GNRHR: variants seen among roughly 807,000 people sequenced by gnomAD.
The protein encoded by GNRHR is gonadotropin releasing hormone receptor, also known as gonadotropin-releasing hormone receptor.
Under a neutral mutation model 28.1 loss-of-function variants are expected in GNRHR, and 14 were observed. The ratio of observed to expected loss-of-function variants is 0.50; its 90% CI spans 0.33 to 0.78. The LOEUF (loss-of-function observed/expected upper bound fraction) is 0.78. Ranked by LOEUF, GNRHR falls within the 30% of genes least tolerant of loss-of-function variation. The pLI is 0.02. For missense variants in GNRHR, 366 were observed against 382.1 expected (o/e 0.96, Z 0.35); for synonymous variants, 141 against 140.5 (o/e 1.00, Z -0.02).
At position 67,738,552 on chromosome 4, in the gene GNRHR, G is replaced by A. The variant is rs1188536667; in HGVS notation, c.*1928C>T. ...CATTCGTTAACACGTGTGTGATAAA[G>A]CCCTTAGATTGTATCTGTACAAGTG... On this transcript the variant is annotated 3_prime_UTR_variant, in exon 3 of 3. Transcript: ENST00000226413. Among the ~76,000 whole-genome samples, 2 of 151,748 alleles carry A rather than the reference G, an allele frequency of 1.3e-5. No homozygotes were observed. The highest frequency in any genetic ancestry group is 4.8e-5 in the African/African-American group (2 of 41,366).
chr4:67,745,159 T>A (rs1216034272), intron 1 of GNRHR, among the ~76,000 whole-genome samples: 1 of 152,104 alleles, frequency 6.6e-6, no homozygotes, highest in Non-Finnish European at 1.5e-5. Context: ...GCACTTAAAA[T>A]GTACCCCCCA....
Position 67,745,860 on chromosome 4 carries a change from T to TC in GNRHR, c.523-1074dup, listed in dbSNP as rs1731744141. 2.0e-5 allele frequency among the ~76,000 whole-genome samples: 3 copies of TC among 152,092 alleles called. No homozygotes were observed. The South Asian group carries it at 6.2e-4, about 32-fold the overall frequency. ...CTGAATCTAACCTTGAGAGGACAAA[T>TC]CCCAACTGAGAGACATTTTACAAAA... On this transcript the variant is annotated intron_variant, in intron 1 of 2. Transcript: ENST00000226413.
Position 67,740,512 on chromosome 4 carries a change from C to G in GNRHR, c.955G>C (p.Asp319His), listed in dbSNP as rs757577630. ...FLFAFLNPCFDPLIYGYFSL is the reference protein window; with the variant it reads ...FLFAFLNPCFHPLIYGYFSL ...GAAAAATATCCATAGATAAGTGGAT[C>G]AAAGCATGGGTTTAAAAAGGCAAAG... Residue 319 changes from aspartate to histidine, a missense_variant, in exon 3 of 3, where the codon GAT becomes CAT. By Grantham distance (81) the Asp-to-His change is moderately conservative. Transcript: ENST00000226413. 1 of 1,605,748 alleles carries G rather than the reference C, an allele frequency of 6.2e-7. No homozygotes were observed. Among genetic ancestry groups the G allele is most frequent in the East Asian group, 2.2e-5 (1 of 44,832 alleles).
Position 67,739,819 on chromosome 4 carries a change from T to C in GNRHR, c.*661A>G, listed in dbSNP as rs1178521612. 1 of 152,112 alleles carries C rather than the reference T, an allele frequency of 6.6e-6. No individual in the cohort carries two copies. Among genetic ancestry groups the C allele is most frequent in the African/African-American group, 2.4e-5 (1 of 41,414 alleles). 9.4% of individuals were successfully genotyped at this position (152,112 alleles called of 1,614,324 possible). ...AACCCCTCTAAAATTTCCCTTTATA[T>C]AGAGATACTTCACAACCTGTACCAC... On this transcript the variant is annotated 3_prime_UTR_variant, in exon 3 of 3. Transcript: ENST00000226413.
rs1415008256 is a variant in GNRHR at position 67,738,840 on chromosome 4, G to A, written c.*1640C>T. Among the ~76,000 whole-genome samples the A allele has an allele frequency of 6.6e-6, 1 of 151,892 alleles. No individual in the cohort carries two copies. Among genetic ancestry groups the A allele is most frequent in the Non-Finnish European group, 1.5e-5 (1 of 67,878 alleles). On this transcript the variant is annotated 3_prime_UTR_variant, in exon 3 of 3. Transcript: ENST00000226413. ...ATGAGTTTAATGGAAAAGAAGCTAT[G>A]AATGAAAGAGTGAGTAGACAGAGGG... is the stretch of plus-strand genomic sequence containing the variant.
At chr4:67,742,331 T>C (rs1731676197) in intron 2 of GNRHR, among the ~76,000 whole-genome samples, 1 of 152,234 alleles carries the variant, frequency 6.6e-6, no homozygotes, top group Non-Finnish European at 1.5e-5. Context: ...CTGTATGTTT[T>C]TGTTTGCTTT....
In GNRHR at chr4:67,738,449, A is replaced by G. The variant is rs959058118; in HGVS notation, c.*2031T>C. Reference sequence around the variant, plus strand: ...TCGAATAGCCCTTTAGTTAATGTGTAAAAAAAAAAAATGCCTGAGGCAATT... The same window carrying G: ...TCGAATAGCCCTTTAGTTAATGTGTGAAAAAAAAAAATGCCTGAGGCAATT... On this transcript the variant is annotated 3_prime_UTR_variant, in exon 3 of 3. Coordinates refer to ENST00000226413, the MANE Select transcript of GNRHR (RefSeq NM_000406.3). 6.9e-6 allele frequency among the ~76,000 whole-genome samples: 1 copy of G among 144,950 alleles called. No individual in the cohort carries two copies. The highest frequency in any genetic ancestry group is 2.0e-4 in the East Asian group (1 of 5,090).
rs515726219 is a variant in GNRHR, at chr4:67,754,242, T to C, written c.94A>G (p.Thr32Ala). 19 of 1,613,922 alleles carry C rather than the reference T, an allele frequency of 1.2e-5. No individual in the cohort carries two copies. In the South Asian group the frequency reaches 1.9e-4, roughly 16 times the overall value. The change falls in exon 1 of 3, where the codon ACC becomes GCC. Residue 32 changes from threonine (T) to alanine (A), a missense_variant. Transcript: ENST00000226413. ...PLMQGNLPTL[T>A]LSGKIRVTVT... is the part of the protein sequence containing the mutation. ...GTCACTCGGATCTTTCCAGACAAGG[T>C]CAGAGTGGGGAGGTTGCCCTGCATC...
At chr4:67,741,762 A>T (rs1391982560) in intron 2 of GNRHR, among the ~76,000 whole-genome samples, 1 of 152,176 alleles carries the variant, frequency 6.6e-6, no homozygotes, top group African/African-American at 2.4e-5. Context: ...GTGAGGTGGT[A>T]TCACATTGTG....
chr4:67,738,518 G>A lies in GNRHR; in HGVS notation c.*1962C>T, dbSNP rs1362928037. 6.6e-6 allele frequency among the ~76,000 whole-genome samples: 1 copy of A among 151,818 alleles called. No homozygotes were observed. The highest frequency in any genetic ancestry group is 1.5e-5 in the Non-Finnish European group (1 of 67,848). ...ATAATGAGCACACAAGAAGAACCAA[G>A]CTGAGATACATTCGTTAACACGTGT... is the stretch of plus-strand genomic sequence containing the variant. On this transcript the variant is annotated 3_prime_UTR_variant, in exon 3 of 3. Transcript: ENST00000226413.
chr4:67,754,375 G>A lies in GNRHR; in HGVS notation c.-40C>T, dbSNP rs769880332. The A allele has an allele frequency of 3.9e-6, 6 of 1,520,134 alleles. No individual in the cohort carries two copies. Among genetic ancestry groups the A allele is most frequent in the Non-Finnish European group, 4.5e-6 (5 of 1,102,342 alleles). The allele number at this position is 1,520,134 out of a possible 1,614,324, so 94.2% of individuals were successfully genotyped here. On this transcript the variant is annotated 5_prime_UTR_variant, in exon 1 of 3. Coordinates refer to ENST00000226413, the MANE Select transcript of GNRHR (RefSeq NM_000406.3). Reference sequence around the variant, plus strand: ...GAGCTTCAAGCCTTGTGTCTCTGGTGCATCTGATATTTTATTGTAACCGAA... The same window carrying A: ...GAGCTTCAAGCCTTGTGTCTCTGGTACATCTGATATTTTATTGTAACCGAA...
At chr4:67,748,277 T>C (rs1038143958) in intron 1 of GNRHR, among the ~76,000 whole-genome samples, 7 of 152,126 alleles carry the variant, frequency 4.6e-5, no homozygotes, top group Admixed American at 4.6e-4. Context: ...TTTCCTCATC[T>C]ACATACATGG....
intron 1 of GNRHR, among the ~76,000 whole-genome samples, chr4:67,751,027 G>A (rs755306824): frequency 2.6e-5 from 4 of 152,106 alleles, no homozygotes; most frequent in Non-Finnish European, 4.4e-5. Context: ...AAGACAACAC[G>A]AGTCCAACAG....
chr4:67,747,579 A>G (rs1226486634), intron 1 of GNRHR, among the ~76,000 whole-genome samples: 3 of 152,100 alleles, frequency 2.0e-5, no homozygotes, highest in African/African-American at 7.2e-5. Flanking sequence ...AAATTGGTTC[A>G]TTTGTAACTG....
In GNRHR at chr4:67,740,560, G is replaced by A; in HGVS notation, c.907C>T (p.Pro303Ser). 1 of 1,607,104 alleles carries A rather than the reference G, an allele frequency of 6.2e-7. No homozygotes were observed. Residue 303 changes from proline to serine, a missense_variant, in exon 3 of 3, where the codon CCA becomes TCA. Physicochemically the swap from Pro to Ser is moderately conservative, Grantham distance 74. Coordinates refer to ENST00000226413, the MANE Select transcript of GNRHR (RefSeq NM_000406.3). ...DPEMLNRLSD[P>S]VNHFFFLFAF... ...AAGAGAAAGAAGAAGTGATTTACTG[G>A]GTCTGACAACCTGTTTAACATTTCA...
chr4:67,748,872 TA>T, intron 1 of GNRHR, among the ~76,000 whole-genome samples: 1 of 152,010 alleles, frequency 6.6e-6, no homozygotes. Context: ...GCATGTTATA[TA>T]ATATTGGAGG....
chr4:67,743,291 T>C (rs1186201416), intron 2 of GNRHR, among the ~76,000 whole-genome samples: 2 of 152,180 alleles, frequency 1.3e-5, no homozygotes, highest in African/African-American at 2.4e-5. Context: ...CTGTAAACTT[T>C]GGTGACACAT....
intron 1 of GNRHR, among the ~76,000 whole-genome samples, chr4:67,749,506 C>T (rs2109985755): frequency 6.6e-6 from 1 of 152,244 alleles, no homozygotes; most frequent in Non-Finnish European, 1.5e-5. Flanking sequence ...ACGGGCACAT[C>T]TAATTTAGGA....
intron 1 of GNRHR, among the ~76,000 whole-genome samples, chr4:67,745,712 A>G (rs1469352054): frequency 6.6e-6 from 1 of 152,140 alleles, no homozygotes; most frequent in Non-Finnish European, 1.5e-5. Flanking sequence ...TACAGAAGAG[A>G]AATAGCTAGA....
Sources: gnomAD v4.1 joint callset for allele counts (sites outside exome capture counted in the v4.1 genomes callset) on GRCh38, gnomAD v4.1.1 for gene constraint, MANE v1.5 for transcripts, NCBI Gene and HGNC (gene_info 2026-07-23, HGNC 2026-07-21) for gene names.